INPP4B: variants seen among roughly 807,000 people sequenced by gnomAD.
INPP4B encodes the protein inositol polyphosphate-4-phosphatase type II B, also known as inositol polyphosphate 4-phosphatase type II.
Under a neutral mutation model 122.5 loss-of-function variants are expected in INPP4B, and 55 were observed. The ratio of observed to expected loss-of-function variants is 0.45; its 90% CI spans 0.36 to 0.56. The LOEUF is 0.56. Among genes scored for constraint, INPP4B ranks in the 20% least tolerant of loss-of-function variants. INPP4B has a pLI of 0.00. For missense variants in INPP4B, 1,000 were observed against 1,097.7 expected, an observed-to-expected ratio of 0.91 and a Z score of 1.26; for synonymous variants, 403 against 388.7, an observed-to-expected ratio of 1.04 and a Z score of -0.43.
chr4:142,534,661 T>A (rs1827987197), intron 2 of INPP4B, among the ~76,000 whole-genome samples: 1 of 150,362 alleles, frequency 6.7e-6, no homozygotes, highest in African/African-American at 2.4e-5. Flanking sequence ...ATAGGATATA[T>A]TATTAATAAA....
At chr4:142,515,736 A>G (rs1441687273) in intron 2 of INPP4B, among the ~76,000 whole-genome samples, 2 of 152,214 alleles carry the variant, frequency 1.3e-5, no homozygotes, top group African/African-American at 2.4e-5. Flanking sequence ...AAAGGGTTCC[A>G]TGGCTAAAAC....
chr4:142,428,665 C>T (rs1218222383), intron 5 of INPP4B, among the ~76,000 whole-genome samples: 1 of 151,968 alleles, frequency 6.6e-6, no homozygotes, highest in East Asian at 1.9e-4. Context: ...TTTAGAGTTG[C>T]TTAAACAAGT....
intron 2 of INPP4B, among the ~76,000 whole-genome samples, chr4:142,476,579 T>C (rs1026843173): frequency 6.6e-6 from 1 of 152,172 alleles, no homozygotes; most frequent in Non-Finnish European, 1.5e-5. Flanking sequence ...CCATCTCACA[T>C]GCAGTGACAC....
At chr4:142,301,801 T>C (rs1325677766) in intron 9 of INPP4B, among the ~76,000 whole-genome samples, 3 of 152,202 alleles carry the variant, frequency 2.0e-5, no homozygotes, top group African/African-American at 7.2e-5. Context: ...CACTTTCCTC[T>C]GTCTCCATTC....
chr4:142,747,750 C>T (rs1211482727), intron 1 of INPP4B, among the ~76,000 whole-genome samples: 2 of 152,104 alleles, frequency 1.3e-5, no homozygotes, highest in Admixed American at 1.3e-4. Context: ...AAACATCATT[C>T]TCAGCAAACT....
At chr4:142,318,984 G>T (rs1353034722) in intron 7 of INPP4B, among the ~76,000 whole-genome samples, 1 of 152,154 alleles carries the variant, frequency 6.6e-6, no homozygotes, top group Non-Finnish European at 1.5e-5. Flanking sequence ...AATGAGCATG[G>T]GTATTGCTGT....
At chr4:142,541,177 G>C (rs1207728537) in intron 2 of INPP4B, among the ~76,000 whole-genome samples, 1 of 152,160 alleles carries the variant, frequency 6.6e-6, no homozygotes, top group Non-Finnish European at 1.5e-5. Context: ...GTCTCAAATA[G>C]TTTGAATTAA....
intron 2 of INPP4B, among the ~76,000 whole-genome samples, chr4:142,554,188 C>CAAAAA (rs758209943): frequency 2.1e-5 from 2 of 97,206 alleles, no homozygotes; most frequent in Admixed American, 1.0e-4. Flanking sequence ...AACTCCATCT[C>CAAAAA]AAAAAAAAAA....
intron 2 of INPP4B, among the ~76,000 whole-genome samples, chr4:142,553,029 C>T (rs997542386): frequency 1.3e-5 from 2 of 151,328 alleles, no homozygotes; most frequent in Admixed American, 6.6e-5. Context: ...TGCTGAAGAC[C>T]TCTCCTTCCT....
At chr4:142,507,006 A>C (rs1824110730) in intron 2 of INPP4B, among the ~76,000 whole-genome samples, 1 of 152,158 alleles carries the variant, frequency 6.6e-6, no homozygotes, top group Non-Finnish European at 1.5e-5. Flanking sequence ...TGTGGCTGAC[A>C]TTGTTCATGT....
At chr4:142,166,790 G>C (rs896463636) in intron 16 of INPP4B, among the ~76,000 whole-genome samples, 1 of 151,702 alleles carries the variant, frequency 6.6e-6, no homozygotes, top group Admixed American at 6.6e-5. Flanking sequence ...TAACAAAAAA[G>C]CTCAACATCA....
At chr4:142,293,781 T>C (rs907508624) in intron 9 of INPP4B, among the ~76,000 whole-genome samples, 2 of 152,150 alleles carry the variant, frequency 1.3e-5, no homozygotes, top group African/African-American at 4.8e-5. Flanking sequence ...TGAGCTGGAG[T>C]ACGCTACAAA....
intron 7 of INPP4B, among the ~76,000 whole-genome samples, chr4:142,338,884 C>T (rs893240913): frequency 3.3e-5 from 5 of 152,154 alleles, no homozygotes; most frequent in African/African-American, 1.2e-4. Context: ...ACTACCTCAA[C>T]AGGCTTCCTT....
chr4:142,537,016 T>A (rs1452067381), intron 2 of INPP4B, among the ~76,000 whole-genome samples: 1 of 151,916 alleles, frequency 6.6e-6, no homozygotes. Context: ...AGGATGGTCT[T>A]GATCTCTTGA....
intron 21 of INPP4B, among the ~76,000 whole-genome samples, chr4:142,117,556 A>G (rs925760940): frequency 6.6e-6 from 1 of 152,166 alleles, no homozygotes; most frequent in African/African-American, 2.4e-5. Flanking sequence ...AACCAAAGAC[A>G]AAAATCACAC....
intron 16 of INPP4B, among the ~76,000 whole-genome samples, chr4:142,166,002 T>C (rs2152925257): frequency 6.6e-6 from 1 of 151,860 alleles, no homozygotes; most frequent in Admixed American, 6.6e-5. Flanking sequence ...TGTGTTTATT[T>C]ACCATTCATA....
At chr4:142,534,341 C>T (rs947938461) in intron 2 of INPP4B, among the ~76,000 whole-genome samples, 4 of 151,980 alleles carry the variant, frequency 2.6e-5, no homozygotes, top group African/African-American at 9.7e-5. Flanking sequence ...AGAGATGTTG[C>T]CTTTGGGATG....
At chr4:142,063,600 G>C (rs896899502) in intron 25 of INPP4B, among the ~76,000 whole-genome samples, 10 of 151,916 alleles carry the variant, frequency 6.6e-5, no homozygotes, top group African/African-American at 2.4e-4. Flanking sequence ...TATTCAAAGG[G>C]CAACTACTAA....
rs111487007 is a variant in INPP4B at position 142,129,967 on chromosome 4, A to T, written c.1721-5207T>A. On this transcript the variant is annotated intron_variant, in intron 18 of 25. Transcript: ENST00000262992. ...ATGCCCCCTCCTTCAAGGAGCTAAA[A>T]TTGAGAAGGAAAGGTAAGAAGTACA... Among the ~76,000 whole-genome samples the T allele has an allele frequency of 5.7e-3, 868 of 152,288 alleles. 9 individuals carry two copies. Among genetic ancestry groups the T allele is most frequent in the African/African-American group, 0.02 (825 of 41,562 alleles).
Sources: gnomAD v4.1 joint callset for allele counts (sites outside exome capture counted in the v4.1 genomes callset) on GRCh38, gnomAD v4.1.1 for gene constraint, MANE v1.5 for transcripts, NCBI Gene and HGNC (gene_info 2026-07-23, HGNC 2026-07-21) for gene names.